The following EYS variants were observed in gnomAD, a reference collection of about 807,000 sequenced individuals.
EYS encodes the protein EGF-like photoreceptor maintenance factor, also known as protein eyes shut homolog.
A neutral mutation model predicts 282.1 loss-of-function variants in EYS; 250 were observed. The observed-to-expected ratio is 0.89, with a 90% CI of 0.80 to 0.98. The LOEUF (loss-of-function observed/expected upper bound fraction) is 0.98. Among genes scored for constraint, EYS ranks in the 50% least tolerant of loss-of-function variants. The pLI is 0.00. For synonymous variants in EYS, 1,355 were observed against 1,282.9 expected (o/e 1.06, Z -1.20); for missense variants, 4,016 against 3,709.0 (o/e 1.08, Z -2.15).
Position 65,405,378 on chromosome 6 carries a change from T to TAA in EYS, c.863-12_863-11insTT. On this transcript the variant is annotated splice_polypyrimidine_tract_variant and intron_variant, in intron 5 of 42. Coordinates refer to ENST00000503581, the MANE Select transcript of EYS (RefSeq NM_001142800.2). ...CCTCACAGAATGGACCTTAAAAAAA[T>TAA]CACACACAAGAAAAAAAAAGAAAAG... The TAA allele has an allele frequency of 6.8e-7, 1 of 1,480,184 alleles. No homozygotes were observed. The highest frequency in any genetic ancestry group is 9.0e-7 in the Non-Finnish European group (1 of 1,110,508). 91.7% of individuals were successfully genotyped at this position (1,480,184 alleles called of 1,614,324 possible). A position where few individuals can be genotyped will look rare whatever the true frequency, so the allele number is the denominator to read the frequency against.
At chr6:63,947,662 C>T (rs902229742) in intron 35 of EYS, among the ~76,000 whole-genome samples, 4 of 152,066 alleles carry the variant, frequency 2.6e-5, no homozygotes, top group African/African-American at 9.7e-5. Context: ...TCAACTATTT[C>T]CTGTATGCCA....
At chr6:64,825,346 C>G (rs1029109732) in intron 19 of EYS, among the ~76,000 whole-genome samples, 2 of 151,738 alleles carry the variant, frequency 1.3e-5, no homozygotes, top group African/African-American at 4.8e-5. Context: ...ATGTATTCAT[C>G]TTTTTTTTCT....
intron 26 of EYS, among the ~76,000 whole-genome samples, chr6:64,520,172 G>T (rs1242621108): frequency 1.3e-5 from 2 of 151,708 alleles, no homozygotes; most frequent in South Asian, 2.1e-4. Context: ...TCTGTGTGGA[G>T]GTTGTCAGCT....
intron 22 of EYS, among the ~76,000 whole-genome samples, chr6:64,693,969 T>C (rs956408551): frequency 6.6e-6 from 1 of 152,138 alleles, no homozygotes; most frequent in Non-Finnish European, 1.5e-5. Context: ...TTTTAAAAAA[T>C]ATAAGAAGGC....
intron 35 of EYS, among the ~76,000 whole-genome samples, chr6:63,892,883 A>G (rs1038485906): frequency 6.6e-6 from 1 of 152,226 alleles, no homozygotes; most frequent in Non-Finnish European, 1.5e-5. Flanking sequence ...CAAATTTACA[A>G]GAAAAAAACC....
intron 2 of EYS, among the ~76,000 whole-genome samples, chr6:65,616,722 G>T (rs1174033417): frequency 6.6e-6 from 1 of 151,388 alleles, no homozygotes; most frequent in African/African-American, 2.4e-5. Context: ...GGAGGTCAAG[G>T]TTGCAGTGAG....
chr6:65,111,105 T>C (rs1328204239), intron 12 of EYS, among the ~76,000 whole-genome samples: 1 of 152,120 alleles, frequency 6.6e-6, no homozygotes, highest in Non-Finnish European at 1.5e-5. Context: ...TCCAATATTT[T>C]ATTTTTAGTA....
intron 32 of EYS, among the ~76,000 whole-genome samples, chr6:64,079,983 G>A (rs562080637): frequency 1.8e-4 from 27 of 152,298 alleles, no homozygotes; most frequent in Middle Eastern, 3.4e-3. Flanking sequence ...GGACATTTGG[G>A]TTGGTTCCAA....
At chr6:65,578,716 T>C (rs996493327) in intron 2 of EYS, among the ~76,000 whole-genome samples, 2 of 152,058 alleles carry the variant, frequency 1.3e-5, no homozygotes, top group East Asian at 3.9e-4. Context: ...AATATATACA[T>C]AATTTTTACT....
At position 63,878,652 on chromosome 6, in the gene EYS, T is replaced by A. The variant is rs1445658041; in HGVS notation, c.7056-14294A>T. Among the ~76,000 whole-genome samples, 4 of 152,254 alleles carry A rather than the reference T, an allele frequency of 2.6e-5. No homozygotes were observed. The East Asian group carries it at 7.7e-4, about 29-fold the overall frequency. On this transcript the variant is annotated intron_variant, in intron 35 of 42. Transcript: ENST00000503581. ...ACTTCGAGCTTCCTGGCTGCTTTGT[T>A]TACCTACTCAAGCCTCCGCCATGGC...
intron 19 of EYS, among the ~76,000 whole-genome samples, chr6:64,857,493 A>T (rs1386626774): frequency 6.6e-6 from 1 of 152,150 alleles, no homozygotes; most frequent in African/African-American, 2.4e-5. Context: ...TTCTTTATCC[A>T]TTGATGAAAT....
At chr6:65,130,470 G>A (rs1220271237) in intron 12 of EYS, among the ~76,000 whole-genome samples, 1 of 151,834 alleles carries the variant, frequency 6.6e-6, no homozygotes, top group Non-Finnish European at 1.5e-5. Flanking sequence ...GGAATACGAT[G>A]CAGTCATAGA....
chr6:65,083,332 TTC>T (rs974594527), intron 12 of EYS, among the ~76,000 whole-genome samples: 2 of 151,996 alleles, frequency 1.3e-5, no homozygotes, highest in African/African-American at 2.4e-5. Context: ...CAGTGTATTT[TTC>T]TCTCAATTGG....
intron 26 of EYS, among the ~76,000 whole-genome samples, chr6:64,466,314 A>G (rs1489652768): frequency 6.6e-6 from 1 of 152,144 alleles, no homozygotes; most frequent in Admixed American, 6.5e-5. Context: ...TGTTTATTGC[A>G]GCATTATTTG....
intron 2 of EYS, among the ~76,000 whole-genome samples, chr6:65,580,999 G>T (rs1764847631): frequency 1.3e-5 from 2 of 151,976 alleles, no homozygotes; most frequent in Non-Finnish European, 2.9e-5. Flanking sequence ...CTATTCAATT[G>T]CAATGAGTAA....
chr6:65,652,179 G>A (rs1020027191), intron 1 of EYS, among the ~76,000 whole-genome samples: 8 of 152,054 alleles, frequency 5.3e-5, no homozygotes, highest in East Asian at 1.9e-4. Context: ...ATTGATTCAT[G>A]TGAAATAAAA....
At chr6:64,168,387 G>C (rs1427973719) in intron 31 of EYS, among the ~76,000 whole-genome samples, 1 of 152,156 alleles carries the variant, frequency 6.6e-6, no homozygotes, top group Admixed American at 6.5e-5. Flanking sequence ...AAACAGCTGG[G>C]CAAATTCTTA....
intron 29 of EYS, among the ~76,000 whole-genome samples, chr6:64,349,283 T>C (rs191745974): frequency 1.3e-5 from 2 of 151,344 alleles, no homozygotes; most frequent in East Asian, 3.9e-4. Context: ...AATTAATTTA[T>C]ATGTAATACA....
At chr6:64,031,433 C>A (rs1345756612) in intron 33 of EYS, among the ~76,000 whole-genome samples, 1 of 152,204 alleles carries the variant, frequency 6.6e-6, no homozygotes, top group African/African-American at 2.4e-5. Flanking sequence ...CTGTGCGGCC[C>A]AAGCCTCCCT....
Sources: allele counts gnomAD v4.1 joint callset (sites outside exome capture counted in the v4.1 genomes callset), GRCh38; gene constraint gnomAD v4.1.1; transcripts MANE v1.5; gene names NCBI Gene and HGNC (gene_info 2026-07-23, HGNC 2026-07-21).